OR9Q1: variants seen among roughly 807,000 people sequenced by gnomAD.
OR9Q1 encodes olfactory receptor family 9 subfamily Q member 1, also known as olfactory receptor 9Q1.
For missense variants in OR9Q1, 374 were observed against 378.8 expected (o/e 0.99, Z 0.11); for synonymous variants, 153 against 148.6 (o/e 1.03, Z -0.22).
chr11:58,062,735 A>AGTAAC (rs1408002066), intron 2 of OR9Q1, among the ~76,000 whole-genome samples: 2 of 152,250 alleles, frequency 1.3e-5, no homozygotes, highest in African/African-American at 4.8e-5. Context: ...ATCTTAAAAA[A>AGTAAC]GTAACTTATT....
At chr11:58,091,227 C>T (rs1472110132) in intron 2 of OR9Q1, among the ~76,000 whole-genome samples, 15 of 151,878 alleles carry the variant, frequency 9.9e-5, no homozygotes, top group Admixed American at 3.9e-4. Context: ...TTCTTTTAAT[C>T]GTGATGTTAG....
intron 2 of OR9Q1, among the ~76,000 whole-genome samples, chr11:58,162,939 T>C (rs1854469557): frequency 1.3e-5 from 2 of 152,224 alleles, no homozygotes; most frequent in Non-Finnish European, 2.9e-5. Flanking sequence ...GCAAGTTTTC[T>C]TTCTTTGTCT....
At chr11:58,136,110 A>T (rs1414325223) in intron 2 of OR9Q1, among the ~76,000 whole-genome samples, 1 of 152,184 alleles carries the variant, frequency 6.6e-6, no homozygotes, top group Non-Finnish European at 1.5e-5. Context: ...CAATCTTGAC[A>T]TCTTTCTCCC....
At chr11:58,078,739 G>T (rs1303954826) in intron 2 of OR9Q1, 1 of 152,192 alleles carries the variant, frequency 6.6e-6, no homozygotes, top group Non-Finnish European at 1.5e-5. Flanking sequence ...GTAAATGGTT[G>T]CCCTCTAGAA....
At chr11:58,172,648 C>T (rs1854566043) in intron 2 of OR9Q1, among the ~76,000 whole-genome samples, 1 of 151,978 alleles carries the variant, frequency 6.6e-6, no homozygotes, top group Non-Finnish European at 1.5e-5. Context: ...GCAATCTGAC[C>T]CAGAACTCAT....
chr11:58,160,691 A>G (rs939240457), intron 2 of OR9Q1, among the ~76,000 whole-genome samples: 2 of 152,112 alleles, frequency 1.3e-5, no homozygotes, highest in East Asian at 3.9e-4. Context: ...AGCCTGATAT[A>G]TATATTTTTA....
At chr11:58,123,215 A>G (rs1590603398) in intron 2 of OR9Q1, among the ~76,000 whole-genome samples, 1 of 152,234 alleles carries the variant, frequency 6.6e-6, no homozygotes, top group Non-Finnish European at 1.5e-5. Flanking sequence ...GCTTTCAGCT[A>G]TAAATTTGTT....
intron 2 of OR9Q1, among the ~76,000 whole-genome samples, chr11:58,143,396 T>C (rs1362552052): frequency 6.6e-6 from 1 of 152,212 alleles, no homozygotes; most frequent in Non-Finnish European, 1.5e-5. Context: ...TAGGATTTCT[T>C]CAACAAAGTG....
At chr11:58,101,629 T>C (rs528637031) in intron 2 of OR9Q1, among the ~76,000 whole-genome samples, 1 of 152,354 alleles carries the variant, frequency 6.6e-6, no homozygotes, top group East Asian at 1.9e-4. Flanking sequence ...CAGAGCGTTT[T>C]AGTTTAATTA....
At chr11:58,042,915 A>G (rs1853179834) in intron 1 of OR9Q1, among the ~76,000 whole-genome samples, 1 of 152,104 alleles carries the variant, frequency 6.6e-6, no homozygotes, top group Admixed American at 6.5e-5. Flanking sequence ...GCAATTGTAA[A>G]TGGGAGTTCA....
At chr11:58,075,788 A>C (rs1181191147) in intron 2 of OR9Q1, among the ~76,000 whole-genome samples, 1 of 152,232 alleles carries the variant, frequency 6.6e-6, no homozygotes, top group Admixed American at 6.5e-5. Context: ...AAGACAAGTG[A>C]TGGCATGGGA....
chr11:58,106,204 GTA>G (rs1853838574), intron 2 of OR9Q1, among the ~76,000 whole-genome samples: 1 of 150,770 alleles, frequency 6.6e-6, no homozygotes. Context: ...GTGTGAAGTG[GTA>G]TCTCATTGTA....
chr11:58,152,251 G>A (rs964749911), intron 2 of OR9Q1, among the ~76,000 whole-genome samples: 3 of 152,062 alleles, frequency 2.0e-5, no homozygotes, highest in African/African-American at 7.2e-5. Flanking sequence ...GGCAGAATCA[G>A]AACATTTATT....
chr11:58,041,980 C>A (rs377343383), intron 1 of OR9Q1, among the ~76,000 whole-genome samples: 2 of 152,188 alleles, frequency 1.3e-5, no homozygotes, highest in African/African-American at 4.8e-5. Context: ...ATTGACCAAC[C>A]ATTGTGGTAA....
At chr11:58,035,222 T>G (rs1853089253) in intron 1 of OR9Q1, among the ~76,000 whole-genome samples, 1 of 151,992 alleles carries the variant, frequency 6.6e-6, no homozygotes, top group South Asian at 2.1e-4. Context: ...TAGTCCATAG[T>G]TAGGTAGCCA....
At chr11:58,113,653 G>T (rs7110748) in intron 2 of OR9Q1, among the ~76,000 whole-genome samples, 37,832 of 152,046 alleles carry the variant, frequency 0.25, 5,304 homozygotes, top group East Asian at 0.58. Flanking sequence ...GTATAGGGGG[G>T]TAATAATATA....
At chr11:58,123,978 T>G (rs1036647955) in intron 2 of OR9Q1, among the ~76,000 whole-genome samples, 4 of 152,314 alleles carry the variant, frequency 2.6e-5, no homozygotes, top group East Asian at 3.9e-4. Flanking sequence ...GGAACCTCAA[T>G]TTTTTCAATA....
chr11:58,064,649 C>T (rs553195742), intron 2 of OR9Q1, among the ~76,000 whole-genome samples: 1 of 152,134 alleles, frequency 6.6e-6, no homozygotes, highest in Non-Finnish European at 1.5e-5. Flanking sequence ...ATCTGCAGTC[C>T]CACAGTGATG....
At position 58,180,678 on chromosome 11, in the gene OR9Q1, G is replaced by T; in HGVS notation, c.*301G>T. 1 of 235,334 alleles carries T rather than the reference G, an allele frequency of 4.2e-6. No homozygotes were observed. Among genetic ancestry groups the T allele is most frequent in the Non-Finnish European group, 8.9e-6 (1 of 112,680 alleles). 14.6% of individuals were successfully genotyped at this position (235,334 alleles called of 1,614,324 possible). A position where few individuals can be genotyped will look rare whatever the true frequency, so the allele number is the denominator to read the frequency against. On this transcript the variant is annotated 3_prime_UTR_variant, in exon 3 of 3. Transcript: ENST00000335397. ...TGTGATTATAAGAGTAATTTTTTTT[G>T]CAAAATTTTTAATGAAAGATTTTCA...
Sources: allele counts gnomAD v4.1 joint callset (sites outside exome capture counted in the v4.1 genomes callset), GRCh38; gene constraint gnomAD v4.1.1; transcripts MANE v1.5; gene names NCBI Gene and HGNC (gene_info 2026-07-23, HGNC 2026-07-21).